The following ZFP64 variants were observed in gnomAD, a reference collection of about 807,000 sequenced individuals.
The protein encoded by ZFP64 is zinc finger protein 64.
In ZFP64, 14 loss-of-function variants were observed where a neutral mutation model predicts 51.6. The ratio of observed to expected loss-of-function variants is 0.27; its 90% CI spans 0.18 to 0.42. The LOEUF (loss-of-function observed/expected upper bound fraction) is 0.42. Among genes scored for constraint, ZFP64 ranks in the 10% least tolerant of loss-of-function variants. The pLI, the probability that ZFP64 is intolerant of heterozygous loss-of-function variation, is 1.00. For missense variants in ZFP64, 754 were observed against 906.8 expected, an observed-to-expected ratio of 0.83 and a Z score of 2.16; for synonymous variants, 375 against 361.4, an observed-to-expected ratio of 1.04 and a Z score of -0.43.
intron 2 of ZFP64, among the ~76,000 whole-genome samples, chr20:52,185,699 G>GC (rs1983913642): frequency 1.3e-5 from 2 of 151,252 alleles, no homozygotes; most frequent in African/African-American, 2.4e-5. Context: ...TCCTGCCTTG[G>GC]TCCCCCGAGT....
downstream of ZFP64, among the ~76,000 whole-genome samples, chr20:52,151,069 A>C (rs1980766716): frequency 6.6e-6 from 1 of 152,222 alleles, no homozygotes; most frequent in African/African-American, 2.4e-5. Context: ...GTCAGTCTGA[A>C]GTTTCAAAAT....
intron 2 of ZFP64, chr20:52,176,064 A>G (rs1983184633): frequency 1.5e-6 from 1 of 658,126 alleles, no homozygotes; most frequent in Non-Finnish European, 1.9e-6. Context: ...GTGCAGTGGA[A>G]GACACCTGAC....
In ZFP64 at chr20:52,124,253, T is replaced by C. The variant is rs567403784; in HGVS notation, c.764-25666A>G. On this transcript the variant is annotated intron_variant, in intron 5 of 8. Transcript: ENST00000361387. ...TAGAGTAAGAGCCCATTAAAAAGGA[T>C]GAAGAAAAAAACTGAAACAAAAAAA... is the stretch of plus-strand genomic sequence containing the variant. Among the ~76,000 whole-genome samples, 31 of 142,260 alleles carry C rather than the reference T, an allele frequency of 2.2e-4. No individual in the cohort carries two copies. In the South Asian group the frequency reaches 5.3e-3, roughly 24 times the overall value. 93.3% of individuals were successfully genotyped at this position (142,260 alleles called of 152,430 possible). A position where few individuals can be genotyped will look rare whatever the true frequency, so the allele number is the denominator to read the frequency against.
chr20:52,151,132 A>T, downstream of ZFP64: 2 of 615,256 alleles, frequency 3.3e-6, no homozygotes, highest in Non-Finnish European at 2.0e-6. Flanking sequence ...ACATCTATTT[A>T]ATGTGACTGT....
At chr20:52,105,079 CCT>C in intron 5 of ZFP64, 1 of 1,402,354 alleles carries the variant, frequency 7.1e-7, no homozygotes. Flanking sequence ...GTCCGGAGAA[CCT>C]CTGAGCACCG....
chr20:52,185,541 C>CCCTTTATGTCCAATCG (rs1568707997), intron 2 of ZFP64, among the ~76,000 whole-genome samples: 5 of 150,554 alleles, frequency 3.3e-5, no homozygotes, highest in Non-Finnish European at 7.4e-5. Context: ...GTGACCAAAC[C>CCCTTTATGTCCAATCG]TCCCCTGTAA....
At chr20:52,129,084 T>A (rs1979588623) in intron 5 of ZFP64, among the ~76,000 whole-genome samples, 1 of 149,594 alleles carries the variant, frequency 6.7e-6, no homozygotes, top group African/African-American at 2.4e-5. Context: ...TGGCTAATTT[T>A]TTTTTTTTTT....
intron 7 of ZFP64, among the ~76,000 whole-genome samples, chr20:52,096,533 G>A (rs913981352): frequency 6.6e-6 from 1 of 152,238 alleles, no homozygotes; most frequent in African/African-American, 2.4e-5. Flanking sequence ...GCTCAAACAT[G>A]CAAGTATAGG....
chr20:52,180,009 T>C (rs1283731971), intron 2 of ZFP64, among the ~76,000 whole-genome samples: 1 of 152,210 alleles, frequency 6.6e-6, no homozygotes, highest in African/African-American at 2.4e-5. Context: ...GTGTTCCCAT[T>C]TTGTCTGGGC....
chr20:52,171,527 T>C (rs149048132), intron 2 of ZFP64, among the ~76,000 whole-genome samples: 1 of 152,304 alleles, frequency 6.6e-6, no homozygotes, highest in African/African-American at 2.4e-5. Flanking sequence ...TCTCGCTCTG[T>C]TGCCCAGGCT....
chr20:52,164,651 A>G, intron 4 of ZFP64, 44 bp downstream of exon 4: 7 of 1,537,226 alleles, frequency 4.6e-6, no homozygotes, highest in Non-Finnish European at 6.3e-6. Context: ...CTCCTAGCAC[A>G]GAGCAGGTGT....
chr20:52,162,223 G>A (rs981613947), intron 4 of ZFP64, among the ~76,000 whole-genome samples: 4 of 152,160 alleles, frequency 2.6e-5, no homozygotes, highest in South Asian at 2.1e-4. Flanking sequence ...ACTTGAACTC[G>A]GAAGGCGGAG....
At chr20:52,162,796 T>C (rs1407742237) in intron 4 of ZFP64, among the ~76,000 whole-genome samples, 1 of 152,114 alleles carries the variant, frequency 6.6e-6, no homozygotes, top group East Asian at 1.9e-4. Flanking sequence ...CAGAGCTCAG[T>C]GGTTTTTGGC....
intron 2 of ZFP64, among the ~76,000 whole-genome samples, chr20:52,176,505 C>CTCTTTTTTTT (rs1555810297): frequency 2.2e-5 from 3 of 136,724 alleles, no homozygotes; most frequent in African/African-American, 8.3e-5. Context: ...TTCAATCTCT[C>CTCTTTTTTTT]TTTTTTTTTT....
intron 2 of ZFP64, among the ~76,000 whole-genome samples, chr20:52,184,693 C>T (rs989822349): frequency 7.9e-5 from 12 of 152,112 alleles, no homozygotes; most frequent in Non-Finnish European, 1.6e-4. Context: ...GTGGTACGAT[C>T]ATAGCTCACT....
intron 2 of ZFP64, among the ~76,000 whole-genome samples, chr20:52,166,425 G>A (rs562814928): frequency 1.3e-5 from 2 of 152,096 alleles, no homozygotes; most frequent in African/African-American, 4.8e-5. Context: ...TGCTGAGTCA[G>A]AGCTCTGAAG....
At chr20:52,123,957 C>T (rs1371833751) in intron 5 of ZFP64, among the ~76,000 whole-genome samples, 1 of 151,988 alleles carries the variant, frequency 6.6e-6, no homozygotes, top group Admixed American at 6.6e-5. Flanking sequence ...GCAAGCTCCA[C>T]CTCCTGGGTT....
At position 52,097,475 on chromosome 20, in the gene ZFP64, G is replaced by A. The variant is rs372340975; in HGVS notation, c.914-40C>T. ...TAGATTTTTTTTTTTTTTTTTTGGA[G>A]ACAGAGTTTTGCTCTGTCGCCCAGG... On this transcript the variant is annotated intron_variant, in intron 6 of 8. Coordinates refer to the ZFP64 transcript ENST00000361387. The A allele has an allele frequency of 7.0e-5, 106 of 1,506,398 alleles. No homozygotes were observed. The East Asian group carries it at 8.2e-4, about 12-fold the overall frequency. 93.3% of individuals were successfully genotyped at this position (1,506,398 alleles called of 1,614,324 possible).
intron 5 of ZFP64, among the ~76,000 whole-genome samples, chr20:52,114,747 T>G (rs897501987): frequency 7.2e-5 from 11 of 152,240 alleles, no homozygotes; most frequent in Admixed American, 5.9e-4. Flanking sequence ...TTTCCATCTT[T>G]TCTCCTCCAG....
Sources: allele counts gnomAD v4.1 joint callset (sites outside exome capture counted in the v4.1 genomes callset), GRCh38; gene constraint gnomAD v4.1.1; transcripts MANE v1.5; gene names NCBI Gene and HGNC (gene_info 2026-07-23, HGNC 2026-07-21).